Variants in SRPK2 observed in about 807,000 individuals in gnomAD.
SRPK2 encodes SFRS protein kinase 2.
A neutral mutation model predicts 90.8 loss-of-function variants in SRPK2; 21 were observed. The ratio of observed to expected loss-of-function variants is 0.23; its 90% confidence interval spans 0.16 to 0.33. SRPK2 has a LOEUF of 0.33. Among genes scored for constraint, SRPK2 ranks in the 10% least tolerant of loss-of-function variants. The pLI is 1.00. For missense variants in SRPK2, 620 were observed against 869.0 expected, an observed-to-expected ratio of 0.71 and a Z score of 3.60; for synonymous variants, 288 against 311.1, an observed-to-expected ratio of 0.93 and a Z score of 0.78.
rs147115875 is a variant in SRPK2, at chr7:105,355,617, G to C, written c.71+33031C>G. On this transcript the variant is annotated intron_variant, in intron 2 of 15. Coordinates refer to ENST00000393651, the MANE Select transcript of SRPK2 (RefSeq NM_182692.3). ...TGCAGTAAGCCATGATAATGTCACTGTGTTCTAACCTGGGTGAGAGAACCT... is the reference window on the plus strand; with the variant it reads ...TGCAGTAAGCCATGATAATGTCACTCTGTTCTAACCTGGGTGAGAGAACCT... Among the ~76,000 whole-genome samples the C allele has an allele frequency of 4.6e-5, 7 of 152,262 alleles. No individual in the cohort carries two copies. The East Asian group carries it at 7.7e-4, about 17-fold the overall frequency.
At chr7:105,247,961 T>C (rs1416625656) in intron 2 of SRPK2, among the ~76,000 whole-genome samples, 1 of 151,494 alleles carries the variant, frequency 6.6e-6, no homozygotes. Context: ...TTCAAGCGAA[T>C]CTCCTGCCTC....
intron 2 of SRPK2, among the ~76,000 whole-genome samples, chr7:105,214,471 C>G (rs1238608192): frequency 6.6e-6 from 1 of 152,192 alleles, no homozygotes; most frequent in African/African-American, 2.4e-5. Flanking sequence ...TAGTGATACA[C>G]ACACTCTGTG....
chr7:105,376,040 C>G (rs1327720949), intron 2 of SRPK2, among the ~76,000 whole-genome samples: 1 of 122,370 alleles, frequency 8.2e-6, no homozygotes, highest in Admixed American at 1.1e-4. Flanking sequence ...GCCACCCAGG[C>G]TGGAGTGCAG....
intron 1 of SRPK2, among the ~76,000 whole-genome samples, chr7:105,398,012 A>G (rs1002728909): frequency 4.6e-5 from 7 of 152,202 alleles, no homozygotes; most frequent in Non-Finnish European, 7.3e-5. Flanking sequence ...TTATTCGACC[A>G]TATTTATTGC....
At chr7:105,352,657 T>A (rs1817331512) in intron 2 of SRPK2, among the ~76,000 whole-genome samples, 5 of 152,202 alleles carry the variant, frequency 3.3e-5, no homozygotes, top group Admixed American at 2.6e-4. Flanking sequence ...CCCAGCACTT[T>A]GGGAGGCCAA....
chr7:105,263,179 C>T (rs897119154), intron 2 of SRPK2, among the ~76,000 whole-genome samples: 2 of 151,964 alleles, frequency 1.3e-5, no homozygotes, highest in Non-Finnish European at 1.5e-5. Flanking sequence ...AAAAATTAGC[C>T]GGGCGTGGTG....
intron 3 of SRPK2, among the ~76,000 whole-genome samples, chr7:105,193,536 G>A (rs1000649737): frequency 7.9e-5 from 12 of 152,106 alleles, no homozygotes; most frequent in Admixed American, 2.6e-4. Flanking sequence ...GGTTCCATGT[G>A]AATTTTAGGA....
At chr7:105,204,676 C>A in intron 2 of SRPK2, 1 of 990,680 alleles carries the variant, frequency 1.0e-6, no homozygotes, top group Non-Finnish European at 1.5e-6. Flanking sequence ...GGCATTTCTG[C>A]AACGGCAGCC....
rs948810606 is a variant in SRPK2 at position 105,338,051 on chromosome 7, T to TA, written c.71+50596dup. 5.1e-5 allele frequency among the ~76,000 whole-genome samples: 7 copies of TA among 136,566 alleles called. No homozygotes were observed. The South Asian group carries it at 7.0e-4, about 14-fold the overall frequency. 89.6% of individuals were successfully genotyped at this position (136,566 alleles called of 152,430 possible). A position where few individuals can be genotyped will look rare whatever the true frequency, so the allele number is the denominator to read the frequency against. Reference sequence around the variant, plus strand: ...TTCTAAGTCTGAAGTTTCCTATAATTAAAAAAAACTTTAAAAAAGAAAGAA... The same window carrying TA: ...TTCTAAGTCTGAAGTTTCCTATAATTAAAAAAAAACTTTAAAAAAGAAAGAA... On this transcript the variant is annotated intron_variant, in intron 2 of 15. Transcript: ENST00000393651.
intron 2 of SRPK2, among the ~76,000 whole-genome samples, chr7:105,295,450 G>GTAT (rs1442831817): frequency 6.6e-6 from 1 of 152,002 alleles, no homozygotes; most frequent in Admixed American, 6.6e-5. Flanking sequence ...ATACAATGGA[G>GTAT]TATTATTCAG....
chr7:105,180,974 C>G (rs1792704178), intron 3 of SRPK2, among the ~76,000 whole-genome samples: 1 of 151,346 alleles, frequency 6.6e-6, no homozygotes, highest in Admixed American at 6.6e-5. Context: ...AACAAAGCAT[C>G]TGACAAAGGT....
At chr7:105,284,592 T>C (rs942092144) in intron 2 of SRPK2, among the ~76,000 whole-genome samples, 2 of 152,316 alleles carry the variant, frequency 1.3e-5, no homozygotes, top group Admixed American at 1.3e-4. Flanking sequence ...TTAAACTTCA[T>C]GGAGCTATTT....
intron 2 of SRPK2, among the ~76,000 whole-genome samples, chr7:105,281,957 C>T (rs1159419021): frequency 2.6e-5 from 4 of 152,114 alleles, no homozygotes; most frequent in African/African-American, 9.7e-5. Flanking sequence ...CACAAACAAG[C>T]TGATCATCAA....
chr7:105,296,772 G>A (rs969604009), intron 2 of SRPK2, among the ~76,000 whole-genome samples: 2 of 152,102 alleles, frequency 1.3e-5, no homozygotes, highest in Non-Finnish European at 2.9e-5. Context: ...TACTGTTGTG[G>A]GGGCTTACTA....
chr7:105,187,486 G>A (rs1435639694), intron 3 of SRPK2, among the ~76,000 whole-genome samples: 1 of 152,112 alleles, frequency 6.6e-6, no homozygotes, highest in Non-Finnish European at 1.5e-5. Flanking sequence ...ACTCATCACT[G>A]GCCCCACACA....
At chr7:105,201,669 G>A (rs1253713150) in intron 3 of SRPK2, among the ~76,000 whole-genome samples, 2 of 152,064 alleles carry the variant, frequency 1.3e-5, no homozygotes, top group African/African-American at 2.4e-5. Context: ...AACCAGGGGT[G>A]GTGACACATG....
At chr7:105,324,711 AC>A (rs1253811196) in intron 2 of SRPK2, among the ~76,000 whole-genome samples, 2 of 151,740 alleles carry the variant, frequency 1.3e-5, no homozygotes, top group Non-Finnish European at 2.9e-5. Flanking sequence ...ACATGGCAAA[AC>A]CCCGTCTCTA....
intron 2 of SRPK2, among the ~76,000 whole-genome samples, chr7:105,322,014 C>G (rs1035073654): frequency 6.6e-6 from 1 of 152,114 alleles, no homozygotes; most frequent in East Asian, 1.9e-4. Flanking sequence ...GCAGCATTAT[C>G]CACAATAGCC....
chr7:105,315,522 T>C (rs183869572), intron 2 of SRPK2, among the ~76,000 whole-genome samples: 1 of 152,314 alleles, frequency 6.6e-6, no homozygotes, highest in Admixed American at 6.5e-5. Flanking sequence ...GTATTACTAC[T>C]AACCAAGGAC....
Sources: allele counts gnomAD v4.1 joint callset (sites outside exome capture counted in the v4.1 genomes callset), GRCh38; gene constraint gnomAD v4.1.1; transcripts MANE v1.5; gene names NCBI Gene and HGNC (gene_info 2026-07-23, HGNC 2026-07-21).